CR1L: variants seen among roughly 807,000 people sequenced by gnomAD.
The protein encoded by CR1L is complement C3b/C4b receptor 1 like.
Under a neutral mutation model 62.3 loss-of-function variants are expected in CR1L, and 59 were observed. The observed-to-expected ratio is 0.95, with a 90% confidence interval of 0.77 to 1.18. The LOEUF (loss-of-function observed/expected upper bound fraction) is 1.18, where lower values mean the gene tolerates loss of function less well. CR1L is among the 50% of genes most tolerant of loss of function. The pLI is 0.00. For synonymous variants in CR1L, 279 were observed against 248.7 expected (o/e 1.12, Z -1.15); for missense variants, 700 against 702.8 (o/e 1.00, Z 0.04).
At chr1:207,658,662 G>T (rs150847448) in intron 1 of CR1L, 1 of 152,318 alleles carries the variant, frequency 6.6e-6, no homozygotes, top group Non-Finnish European at 1.5e-5. Flanking sequence ...TGTGGGGTGC[G>T]TGTGGCTCCA....
intron 1 of CR1L, among the ~76,000 whole-genome samples, chr1:207,668,198 A>C (rs531250967): frequency 6.6e-6 from 1 of 151,240 alleles, no homozygotes; most frequent in South Asian, 2.1e-4. Flanking sequence ...AACCAGTATG[A>C]TGAAAAGATA....
At chr1:207,686,290 G>A (rs973956592) in intron 4 of CR1L, among the ~76,000 whole-genome samples, 4 of 150,224 alleles carry the variant, frequency 2.7e-5, no homozygotes, top group African/African-American at 9.8e-5. Flanking sequence ...TGTCATCCTT[G>A]TCTTGTTCCA....
At chr1:207,656,765 C>G (rs1165409336) in intron 1 of CR1L, among the ~76,000 whole-genome samples, 1 of 152,126 alleles carries the variant, frequency 6.6e-6, no homozygotes, top group African/African-American at 2.4e-5. Flanking sequence ...ACCAAGGGGA[C>G]GGTGCTAAAC....
At position 207,649,031 on chromosome 1, in the gene CR1L, A is replaced by G. The variant is rs146817359; in HGVS notation, c.97+3701A>G. Among the ~76,000 whole-genome samples, 760 of 152,296 alleles carry G rather than the reference A, an allele frequency of 5.0e-3. 3 individuals carry two copies. The highest frequency in any genetic ancestry group is 0.017 in the African/African-American group (704 of 41,546). On this transcript the variant is annotated intron_variant, in intron 1 of 11. Transcript: ENST00000508064. ...GTGTTGTGGCCACATGGATGAATGG[A>G]GTCGGCCTTGTTAACTATTAAACTC...
At chr1:207,722,950 G>A (rs1053964987) in intron 11 of CR1L, among the ~76,000 whole-genome samples, 4 of 152,026 alleles carry the variant, frequency 2.6e-5, no homozygotes, top group African/African-American at 7.3e-5. Context: ...ATACTATGAT[G>A]CATCTACTAG....
At chr1:207,678,470 AG>A (rs1663738049) in intron 3 of CR1L, among the ~76,000 whole-genome samples, 173 bp downstream of exon 3, 1 of 152,200 alleles carries the variant, frequency 6.6e-6, no homozygotes, top group African/African-American at 2.4e-5. Context: ...TGACAAGATC[AG>A]GGGGAAAATC....
chr1:207,655,962 G>C (rs546897552), intron 1 of CR1L, among the ~76,000 whole-genome samples: 1 of 152,084 alleles, frequency 6.6e-6, no homozygotes, highest in Non-Finnish European at 1.5e-5. Flanking sequence ...ACTTCTGCCC[G>C]GCGCAGTGGC....
intron 9 of CR1L, among the ~76,000 whole-genome samples, chr1:207,703,473 A>G (rs1277566532): frequency 1.3e-5 from 2 of 152,210 alleles, no homozygotes; most frequent in African/African-American, 4.8e-5. Flanking sequence ...TTTTAGGCTC[A>G]CTGTTGAGAT....
intron 1 of CR1L, among the ~76,000 whole-genome samples, chr1:207,645,830 G>T (rs1663115239): frequency 6.6e-6 from 1 of 152,164 alleles, no homozygotes; most frequent in Non-Finnish European, 1.5e-5. Context: ...CATGGGCTGG[G>T]CTGGCCTGGG....
intron 1 of CR1L, among the ~76,000 whole-genome samples, chr1:207,666,658 A>T (rs1663528663): frequency 6.6e-6 from 1 of 152,234 alleles, no homozygotes; most frequent in South Asian, 2.1e-4. Flanking sequence ...TGATGAGAAC[A>T]CATGGACAGA....
chr1:207,646,132 G>T (rs1220127368), intron 1 of CR1L, among the ~76,000 whole-genome samples: 3 of 151,028 alleles, frequency 2.0e-5, no homozygotes, highest in Non-Finnish European at 4.4e-5. Context: ...TGGGGGGTGG[G>T]TGGGCCATCG....
At chr1:207,694,314 C>T (rs1467923122) in intron 4 of CR1L, 39 bp from the exon 5 acceptor site, 1 of 1,609,536 alleles carries the variant, frequency 6.2e-7, no homozygotes, top group Non-Finnish European at 8.5e-7. Flanking sequence ...AGATTTTTGT[C>T]ATTCATTATT....
At chr1:207,700,535 G>T (rs2102472167) in intron 8 of CR1L, among the ~76,000 whole-genome samples, 1 of 152,248 alleles carries the variant, frequency 6.6e-6, no homozygotes, top group Non-Finnish European at 1.5e-5. Context: ...AGTAAAAAAA[G>T]AAAATAAATC....
In CR1L at chr1:207,689,906, A is replaced by G. The variant is rs965890646; in HGVS notation, c.464-4447A>G. Among the ~76,000 whole-genome samples, 6 of 152,156 alleles carry G rather than the reference A, an allele frequency of 3.9e-5. No individual in the cohort carries two copies. In the East Asian group the frequency reaches 7.7e-4, roughly 20 times the overall value. The stretch of plus-strand genomic sequence containing the variant: ...CTAGGTTATTAGCATAATGCTATTT[A>G]TTATATCCTCAGAAATCCTTTGGAT... On this transcript the variant is annotated intron_variant, in intron 4 of 11. Transcript: ENST00000508064.
chr1:207,697,591 C>A lies in CR1L; in HGVS notation c.951C>A (p.Ser317Arg). The A allele has an allele frequency of 6.2e-7, 1 of 1,613,902 alleles. No homozygotes were observed. The highest frequency in any genetic ancestry group is 8.5e-7 in the Non-Finnish European group (1 of 1,179,808). ...CACCCGGGCAGGAAGTGTTCTACAG[C>A]TGTGAGCCCGGCTACGACCTCAGAG... ...NFSPGQEVFY[S>R]CEPGYDLRGS... Residue 317 changes from serine to arginine, a missense_variant, in exon 6 of 12, where the codon AGC becomes AGA. Ser to Arg is a moderately radical substitution (Grantham distance 110, BLOSUM62 -1). Coordinates refer to ENST00000508064, the MANE Select transcript of CR1L (RefSeq NM_175710.2).
chr1:207,669,565 G>A lies in CR1L; in HGVS notation c.98-7824G>A, dbSNP rs895283231. 1.4e-5 allele frequency: 21 copies of A among 1,538,804 alleles called. No homozygotes were observed. The Admixed American group carries it at 1.7e-4, about 12-fold the overall frequency. On this transcript the variant is annotated intron_variant, in intron 1 of 11. Coordinates refer to ENST00000508064, the MANE Select transcript of CR1L (RefSeq NM_175710.2). ...GCTGCTCGCGCTGCCGGTGGCCTGGGGTGAAACGCTGGGGGGCGTGGGGAG... is the reference window on the plus strand; with the variant it reads ...GCTGCTCGCGCTGCCGGTGGCCTGGAGTGAAACGCTGGGGGGCGTGGGGAG...
At chr1:207,718,705 G>A (rs1055646077) in intron 11 of CR1L, among the ~76,000 whole-genome samples, 12 of 152,210 alleles carry the variant, frequency 7.9e-5, no homozygotes, top group Non-Finnish European at 1.5e-4. Flanking sequence ...TTACAGGCAT[G>A]AGCCTGGTGC....
At chr1:207,653,585 G>T (rs1169174933) in intron 1 of CR1L, among the ~76,000 whole-genome samples, 1 of 152,182 alleles carries the variant, frequency 6.6e-6, no homozygotes, top group Admixed American at 6.5e-5. Flanking sequence ...GTGTGACCTG[G>T]TTAGCCTTTA....
intron 1 of CR1L, among the ~76,000 whole-genome samples, chr1:207,649,331 GA>G (rs1366422261): frequency 6.6e-6 from 1 of 152,194 alleles, no homozygotes; most frequent in Non-Finnish European, 1.5e-5. Context: ...AGACAACAAA[GA>G]AGGGAGAGGA....
Sources: gnomAD v4.1 joint callset for allele counts (sites outside exome capture counted in the v4.1 genomes callset) on GRCh38, gnomAD v4.1.1 for gene constraint, MANE v1.5 for transcripts, NCBI Gene and HGNC (gene_info 2026-07-23, HGNC 2026-07-21) for gene names.